CPS1: variants seen among roughly 807,000 people sequenced by gnomAD.
The protein encoded by CPS1 is carbamoyl-phosphate synthase [ammonia], mitochondrial.
Under a neutral mutation model 174.6 loss-of-function variants are expected in CPS1, and 109 were observed. That is an observed-to-expected ratio of 0.62 (90% CI 0.53 to 0.73). The LOEUF (loss-of-function observed/expected upper bound fraction) is 0.73. Ranked by LOEUF, CPS1 falls within the 30% of genes least tolerant of loss-of-function variation. CPS1 has a pLI of 0.00. For missense variants in CPS1, 1,689 were observed against 1,821.9 expected (o/e 0.93, Z 1.33); for synonymous variants, 637 against 632.0 (o/e 1.01, Z -0.12).
intron 1 of CPS1, among the ~76,000 whole-genome samples, chr2:210,511,541 AAAAG>A (rs1186430268): frequency 6.9e-6 from 1 of 144,308 alleles, no homozygotes; most frequent in Non-Finnish European, 1.6e-5. Context: ...ATAATAAACA[AAAAG>A]AAAACAGCAG....
chr2:210,674,718 A>G lies in CPS1; in HGVS notation c.4102-184A>G, dbSNP rs1408019999. On this transcript the variant is annotated intron_variant, in intron 34 of 37. Coordinates refer to ENST00000233072, the MANE Select transcript of CPS1 (RefSeq NM_001875.5). ...ATTATGTGGATGGAATTTCATTGAC[A>G]TTGGGATATAGCTAAAACTCACACT... 3 of 625,856 alleles carry G rather than the reference A, an allele frequency of 4.8e-6. No homozygotes were observed. The African/African-American group carries it at 5.5e-5, about 11-fold the overall frequency. 38.8% of individuals were successfully genotyped at this position (625,856 alleles called of 1,614,324 possible).
chr2:210,518,426 G>C (rs1279606246), intron 1 of CPS1, among the ~76,000 whole-genome samples: 1 of 152,032 alleles, frequency 6.6e-6, no homozygotes, highest in Non-Finnish European at 1.5e-5. Context: ...CTTGTAGATA[G>C]ATGTGGCCAT....
chr2:210,511,681 T>C (rs528293570), intron 1 of CPS1, among the ~76,000 whole-genome samples: 1 of 152,096 alleles, frequency 6.6e-6, no homozygotes, highest in Admixed American at 6.6e-5. Flanking sequence ...TCAAACCTAA[T>C]GAGACAAGGA....
At chr2:210,647,827 T>C (rs1268544002) in intron 25 of CPS1, 36 bp from the exon 26 acceptor site, 1 of 1,606,706 alleles carries the variant, frequency 6.2e-7, no homozygotes, top group Non-Finnish European at 8.5e-7. Context: ...ATAATGAAGT[T>C]ATTCCAATGG....
intron 1 of CPS1, among the ~76,000 whole-genome samples, chr2:210,515,783 T>C (rs7594883): frequency 0.2 from 30,795 of 151,800 alleles, 3,665 homozygotes; most frequent in Middle Eastern, 0.32. Flanking sequence ...CCTGTAGGTG[T>C]GATGTTAGAT....
chr2:210,555,798 A>G (rs1312751599), upstream of CPS1: 2 of 387,614 alleles, frequency 5.2e-6, no homozygotes, highest in Non-Finnish European at 1.1e-5. Flanking sequence ...CTGGTTAAAC[A>G]TGGGACTGAA....
intron 5 of CPS1, 53 bp from the exon 6 acceptor site, chr2:210,582,564 C>A: frequency 7.3e-7 from 1 of 1,361,192 alleles, no homozygotes; most frequent in Non-Finnish European, 1.1e-6. Flanking sequence ...TTTATCTTGT[C>A]AACACCTTTA....
At chr2:210,639,349 A>C in intron 23 of CPS1, 134 bp downstream of exon 23, 11 of 715,612 alleles carry the variant, frequency 1.5e-5, no homozygotes, top group Non-Finnish European at 2.2e-5. Context: ...GCGGTGGCTC[A>C]CGCCTGTAAT....
At chr2:210,655,679 T>C (rs1700681328) in intron 29 of CPS1, among the ~76,000 whole-genome samples, 1 of 152,206 alleles carries the variant, frequency 6.6e-6, no homozygotes, top group Admixed American at 6.5e-5. Flanking sequence ...TATTCTTATC[T>C]TATCAGAAAC....
intron 1 of CPS1, among the ~76,000 whole-genome samples, chr2:210,540,496 A>G (rs1696368517): frequency 6.6e-6 from 1 of 152,198 alleles, no homozygotes; most frequent in African/African-American, 2.4e-5. Flanking sequence ...TGCACATTTT[A>G]CATTTCACTG....
intron 28 of CPS1, among the ~76,000 whole-genome samples, chr2:210,651,543 G>A (rs375920425): frequency 7.2e-5 from 11 of 152,292 alleles, no homozygotes; most frequent in African/African-American, 2.6e-4. Flanking sequence ...CTTTTCAGAG[G>A]CTGGCTACTG....
At chr2:210,539,460 A>G (rs1489489019) in intron 1 of CPS1, among the ~76,000 whole-genome samples, 1 of 152,194 alleles carries the variant, frequency 6.6e-6, no homozygotes, top group Non-Finnish European at 1.5e-5. Context: ...GATCTGATCT[A>G]CGAGTCTAAT....
chr2:210,673,949 A>G (rs930602864), intron 34 of CPS1: 3 of 152,236 alleles, frequency 2.0e-5, no homozygotes, highest in Non-Finnish European at 4.4e-5. Context: ...GAAGAAATGA[A>G]GGCAAAGACA....
At chr2:210,597,827 T>G (rs1698539971) in intron 13 of CPS1, among the ~76,000 whole-genome samples, 1 of 151,592 alleles carries the variant, frequency 6.6e-6, no homozygotes, top group Non-Finnish European at 1.5e-5. Context: ...TACCTTCATA[T>G]ATATACACAC....
chr2:210,492,419 C>T (rs1398094716), intron 1 of CPS1, among the ~76,000 whole-genome samples: 3 of 152,174 alleles, frequency 2.0e-5, no homozygotes, highest in Non-Finnish European at 2.9e-5. Context: ...GCATTTACTA[C>T]GTTTACTATC....
At chr2:210,535,819 GTTTTTTTTT>G (rs67369344) in intron 1 of CPS1, among the ~76,000 whole-genome samples, 4 of 118,212 alleles carry the variant, frequency 3.4e-5, no homozygotes, top group Non-Finnish European at 3.4e-5. Context: ...CTTTTTCCTT[GTTTTTTTTT>G]TTTTTTTTTT....
In CPS1 at chr2:210,674,912, G is replaced by A. The variant is rs765106604; in HGVS notation, c.4112G>A (p.Arg1371Gln). ...GAAATTCCTTTTCAGCAATCATTCC[G>A]GCCAAGATTCCTTGGTGTGGCTGAA... ...GILIGIQQSF[R>Q]PRFLGVAEQL... The change falls in exon 35 of 38, where the codon CGG (arginine) becomes CAG (glutamine). Residue 1371 changes from arginine (R) to glutamine (Q), a missense_variant. Transcript: ENST00000233072. 55 of 1,613,446 alleles carry A rather than the reference G, an allele frequency of 3.4e-5. No individual in the cohort carries two copies. The highest frequency in any genetic ancestry group is 1.5e-4 in the South Asian group (14 of 91,074).
rs1701464285 is a variant in CPS1 at position 210,674,763 on chromosome 2, G to A, written c.4102-139G>A. ...CACACTCACCATAGAAGGATAAAAG[G>A]ATAAAACTTGTCATTTTTTAATATA... On this transcript the variant is annotated intron_variant, in intron 34 of 37. Coordinates refer to ENST00000233072, the MANE Select transcript of CPS1 (RefSeq NM_001875.5). 5 of 741,388 alleles carry A rather than the reference G, an allele frequency of 6.7e-6. No homozygotes were observed. In the East Asian group the frequency reaches 1.3e-4, roughly 20 times the overall value. The allele number at this position is 741,388 out of a possible 1,614,324, so 45.9% of individuals were successfully genotyped here.
Position 210,582,678 on chromosome 2 carries a change from A to G in CPS1, c.590A>G (p.Lys197Arg), listed in dbSNP as rs759100023. 2.5e-6 allele frequency: 4 copies of G among 1,613,278 alleles called. No homozygotes were observed. The highest frequency in any genetic ancestry group is 1.1e-5 in the South Asian group (1 of 91,070). The part of the protein sequence containing the change: ...GQPVDFVDPN[K>R]QNLIAEVSTK... ...CCTGTGGATTTTGTGGATCCAAATA[A>G]ACAGAATTTGATTGCTGAGGTTTCA... The change falls in exon 6 of 38, where the codon AAA becomes AGA. Residue 197 changes from lysine to arginine, a missense_variant. By Grantham distance (26) the Lys-to-Arg change is conservative (BLOSUM62 2). Transcript: ENST00000233072.
Sources: gnomAD v4.1 joint callset for allele counts (sites outside exome capture counted in the v4.1 genomes callset) on GRCh38, gnomAD v4.1.1 for gene constraint, MANE v1.5 for transcripts, NCBI Gene and HGNC (gene_info 2026-07-23, HGNC 2026-07-21) for gene names.